The following SLIT2 variants were observed in gnomAD, a reference collection of about 807,000 sequenced individuals.
The protein encoded by SLIT2 is slit homolog 2 protein.
In SLIT2, 41 loss-of-function variants were observed where a neutral mutation model predicts 185.7. The observed-to-expected ratio is 0.22, with a 90% CI of 0.17 to 0.29. SLIT2 has a LOEUF of 0.29. Ranked by LOEUF, SLIT2 falls within the 10% of genes least tolerant of loss-of-function variation. SLIT2 has a pLI of 1.00. For synonymous variants in SLIT2, 693 were observed against 680.2 expected, an observed-to-expected ratio of 1.02 and a Z score of -0.29; for missense variants, 1,571 against 1,909.0, an observed-to-expected ratio of 0.82 and a Z score of 3.30.
chr4:20,346,316 A>G (rs6447955), intron 4 of SLIT2, among the ~76,000 whole-genome samples: 131,013 of 152,126 alleles, frequency 0.86, 56,555 homozygotes, highest in African/African-American at 0.9. Context: ...TTTTGGACCA[A>G]ATAATTCTTG....
At chr4:20,562,245 G>A (rs1417687460) in intron 26 of SLIT2, among the ~76,000 whole-genome samples, 1 of 151,506 alleles carries the variant, frequency 6.6e-6, no homozygotes, top group Non-Finnish European at 1.5e-5. Flanking sequence ...TTACATCTTC[G>A]ACATTGGTGG....
intron 4 of SLIT2, among the ~76,000 whole-genome samples, chr4:20,361,681 G>T (rs930150956): frequency 2.0e-5 from 3 of 152,038 alleles, no homozygotes; most frequent in South Asian, 2.1e-4. Context: ...CATTAAAATG[G>T]CATATTGAAT....
chr4:20,476,455 T>A (rs1716122335), intron 5 of SLIT2, among the ~76,000 whole-genome samples: 1 of 152,152 alleles, frequency 6.6e-6, no homozygotes, highest in Non-Finnish European at 1.5e-5. Context: ...TAAAGTAAAC[T>A]ATTTCTAGCA....
At chr4:20,293,250 A>T (rs994581838) in intron 4 of SLIT2, among the ~76,000 whole-genome samples, 4 of 152,216 alleles carry the variant, frequency 2.6e-5, no homozygotes, top group African/African-American at 4.8e-5. Context: ...GGCAGGGGTG[A>T]TGTGATTAAG....
intron 12 of SLIT2, 67 bp downstream of exon 12, chr4:20,519,520 A>G: frequency 1.1e-6 from 1 of 947,118 alleles, no homozygotes; most frequent in South Asian, 1.5e-5. Context: ...GTTGTCTCAT[A>G]TTTTTATGGA....
At chr4:20,318,044 T>C (rs931837587) in intron 4 of SLIT2, among the ~76,000 whole-genome samples, 1 of 152,164 alleles carries the variant, frequency 6.6e-6, no homozygotes, top group African/African-American at 2.4e-5. Context: ...AAACTGAGTT[T>C]GGATGAAAAG....
intron 9 of SLIT2, among the ~76,000 whole-genome samples, chr4:20,498,321 G>C (rs2148809018): frequency 6.6e-6 from 1 of 152,342 alleles, no homozygotes; most frequent in South Asian, 2.1e-4. Flanking sequence ...GGTCATCCCA[G>C]CACTTTGCTG....
chr4:20,361,279 C>T lies in SLIT2; in HGVS notation c.395+92398C>T, dbSNP rs114345971. On this transcript the variant is annotated intron_variant, in intron 4 of 36. Coordinates refer to ENST00000504154, the MANE Select transcript of SLIT2 (RefSeq NM_004787.4). ...TATTAGGTTTTATTAGAGCTTTTCC[C>T]TCCTTCTCTTGCTCTGCCTCGCATC... is the stretch of plus-strand genomic sequence containing the variant. Among the ~76,000 whole-genome samples, 976 of 152,040 alleles carry T rather than the reference C, an allele frequency of 6.4e-3. 10 individuals carry two copies. Among genetic ancestry groups the T allele is most frequent in the African/African-American group, 0.022 (924 of 41,480 alleles).
At chr4:20,435,465 TA>T (rs1487618403) in intron 4 of SLIT2, among the ~76,000 whole-genome samples, 6 of 152,216 alleles carry the variant, frequency 3.9e-5, no homozygotes, top group South Asian at 2.1e-4. Context: ...AGATTAGTGT[TA>T]AAAAAACTGT....
intron 28 of SLIT2, among the ~76,000 whole-genome samples, chr4:20,568,390 A>G (rs1305538870): frequency 6.6e-6 from 1 of 152,042 alleles, no homozygotes; most frequent in Non-Finnish European, 1.5e-5. Flanking sequence ...ATTGCAAGGA[A>G]GACAAAATTT....
At chr4:20,283,893 A>G (rs1339740080) in intron 4 of SLIT2, among the ~76,000 whole-genome samples, 1 of 151,838 alleles carries the variant, frequency 6.6e-6, no homozygotes, top group Non-Finnish European at 1.5e-5. Context: ...GAATACCCAA[A>G]CCCTCCCATT....
At position 20,598,260 on chromosome 4, in the gene SLIT2, A is replaced by G. The variant is rs775065991; in HGVS notation, c.3562-5A>G. ...CCTAGTAATGCCAGGGTTACTTTCTACTAGATTGCCACAGATGAAGACAGC... is the reference window on the plus strand; with the variant it reads ...CCTAGTAATGCCAGGGTTACTTTCTGCTAGATTGCCACAGATGAAGACAGC... On this transcript the variant is annotated splice_region_variant and splice_polypyrimidine_tract_variant and intron_variant, in intron 32 of 36. Transcript: ENST00000504154. 16 of 1,613,616 alleles carry G rather than the reference A, an allele frequency of 9.9e-6. No homozygotes were observed. The highest frequency in any genetic ancestry group is 8.8e-5 in the South Asian group (8 of 91,044).
intron 33 of SLIT2, among the ~76,000 whole-genome samples, chr4:20,609,084 T>C (rs752984817): frequency 2.0e-5 from 3 of 152,292 alleles, no homozygotes; most frequent in Non-Finnish European, 4.4e-5. Context: ...TGGTTTGCTT[T>C]TTTGCCTGCT....
rs1370595192 is a variant in SLIT2 at position 20,251,958 on chromosome 4, G to C, written c.-1858G>C. Among the ~76,000 whole-genome samples, 1 of 152,152 alleles carries C rather than the reference G, an allele frequency of 6.6e-6. No homozygotes were observed. Among genetic ancestry groups the C allele is most frequent in the Non-Finnish European group, 1.5e-5 (1 of 68,014 alleles). The stretch of plus-strand genomic sequence containing the variant: ...CGGACGGCGGAGCTTGGCGGCGGCG[G>C]TGGTGGTGGCTGCCGCAGACTGTGG... On this transcript the variant is annotated 5_prime_UTR_variant, in exon 1 of 37. Coordinates refer to ENST00000504154, the MANE Select transcript of SLIT2 (RefSeq NM_004787.4).
intron 4 of SLIT2, among the ~76,000 whole-genome samples, chr4:20,444,701 C>T (rs550901256): frequency 1.3e-5 from 2 of 152,248 alleles, no homozygotes; most frequent in Admixed American, 1.3e-4. Flanking sequence ...CTTTTAAAAA[C>T]ATAGTGCTTG....
At chr4:20,318,225 A>C (rs1718761646) in intron 4 of SLIT2, among the ~76,000 whole-genome samples, 1 of 152,154 alleles carries the variant, frequency 6.6e-6, no homozygotes, top group Non-Finnish European at 1.5e-5. Context: ...GGTAATGTGA[A>C]TTTTTAAACA....
chr4:20,368,260 A>G (rs1723291859), intron 4 of SLIT2, among the ~76,000 whole-genome samples: 1 of 151,248 alleles, frequency 6.6e-6, no homozygotes, highest in South Asian at 2.1e-4. Flanking sequence ...AAAAAGAGAA[A>G]GAATGGGAAG....
chr4:20,551,920 A>C (rs1723787013), intron 25 of SLIT2, among the ~76,000 whole-genome samples: 1 of 152,200 alleles, frequency 6.6e-6, no homozygotes, highest in Admixed American at 6.6e-5. Flanking sequence ...ATGTTCAATC[A>C]CATTATGTCT....
rs553453284 is a variant in SLIT2, at chr4:20,504,616, CA to C, written c.915-5875del. On this transcript the variant is annotated intron_variant, in intron 9 of 36. Transcript: ENST00000504154. ...TATTATACAGTTACGGAGTTATCTG[CA>C]AAACTGTACTGCTAATTTGTTTAAA... 4.1e-3 allele frequency among the ~76,000 whole-genome samples: 617 copies of C among 152,156 alleles called. 5 individuals carry two copies. Among genetic ancestry groups the C allele is most frequent in the Admixed American group, 8.1e-3 (124 of 15,262 alleles).
Sources: allele counts gnomAD v4.1 joint callset (sites outside exome capture counted in the v4.1 genomes callset), GRCh38; gene constraint gnomAD v4.1.1; transcripts MANE v1.5; gene names NCBI Gene and HGNC (gene_info 2026-07-23, HGNC 2026-07-21).